The following COL24A1 variants were observed in gnomAD, a reference collection of about 807,000 sequenced individuals.
COL24A1 encodes collagen alpha-1(XXIV) chain.
Under a neutral mutation model 253.9 loss-of-function variants are expected in COL24A1, and 224 were observed. That is an observed-to-expected ratio of 0.88 (90% CI 0.79 to 0.99). The LOEUF is 0.99. Ranked by LOEUF, COL24A1 falls within the 50% of genes least tolerant of loss-of-function variation. COL24A1 has a pLI of 0.00. For synonymous variants in COL24A1, 685 were observed against 673.7 expected, an observed-to-expected ratio of 1.02 and a Z score of -0.26; for missense variants, 2,131 against 2,068.5, an observed-to-expected ratio of 1.03 and a Z score of -0.59.
intron 53 of COL24A1, among the ~76,000 whole-genome samples, chr1:85,770,419 C>T (rs1667826481): frequency 6.6e-6 from 1 of 151,618 alleles, no homozygotes; most frequent in African/African-American, 2.4e-5. Flanking sequence ...TTTCAATCTC[C>T]CTCATTTTAT....
chr1:86,028,709 T>C (rs1698274967), intron 14 of COL24A1, among the ~76,000 whole-genome samples: 1 of 152,236 alleles, frequency 6.6e-6, no homozygotes, highest in South Asian at 2.1e-4. Context: ...TCTCTTCCCA[T>C]GAACTGAAAG....
At chr1:86,104,317 C>T (rs1043354636) in intron 5 of COL24A1, among the ~76,000 whole-genome samples, 4 of 152,044 alleles carry the variant, frequency 2.6e-5, no homozygotes, top group African/African-American at 7.2e-5. Flanking sequence ...ATTGGGTTTG[C>T]GCTTACTGCT....
intron 16 of COL24A1, 26 bp from the exon 17 acceptor site, chr1:86,022,617 A>T: frequency 1.3e-6 from 2 of 1,597,870 alleles, no homozygotes; most frequent in East Asian, 2.2e-5. Context: ...TCATGCAAAG[A>T]TACTTATGTA....
intron 32 of COL24A1, among the ~76,000 whole-genome samples, chr1:85,878,578 A>T (rs1681468345): frequency 6.6e-6 from 1 of 152,218 alleles, no homozygotes; most frequent in South Asian, 2.1e-4. Flanking sequence ...ATAAGTTTTC[A>T]ACTCATTTGG....
At chr1:85,909,314 T>C (rs1685147231) in intron 26 of COL24A1, among the ~76,000 whole-genome samples, 1 of 151,828 alleles carries the variant, frequency 6.6e-6, no homozygotes. Flanking sequence ...GTAGACAGTA[T>C]TATGTGCCAC....
intron 55 of COL24A1, among the ~76,000 whole-genome samples, chr1:85,757,979 A>G (rs1362966913): frequency 6.6e-6 from 1 of 152,148 alleles, no homozygotes. Context: ...GAAAACAGAG[A>G]ATAAAGATTG....
At chr1:86,153,222 C>A (rs1653011305) in intron 1 of COL24A1, among the ~76,000 whole-genome samples, 1 of 150,136 alleles carries the variant, frequency 6.7e-6, no homozygotes, top group African/African-American at 2.5e-5. Context: ...TACCCACCCA[C>A]CCAAGACTGC....
At chr1:86,057,653 A>G (rs1191260832) in intron 10 of COL24A1, among the ~76,000 whole-genome samples, 2 of 152,172 alleles carry the variant, frequency 1.3e-5, no homozygotes, top group Admixed American at 6.6e-5. Context: ...GTATCCATTC[A>G]TATATAAATA....
chr1:86,068,027 C>T (rs1356014365), intron 7 of COL24A1, among the ~76,000 whole-genome samples: 1 of 152,160 alleles, frequency 6.6e-6, no homozygotes, highest in Non-Finnish European at 1.5e-5. Context: ...CAATGAATTA[C>T]AGAATTGTCT....
intron 11 of COL24A1, among the ~76,000 whole-genome samples, chr1:86,049,297 A>C (rs1393115539): frequency 1.3e-5 from 2 of 152,230 alleles, no homozygotes; most frequent in African/African-American, 2.4e-5. Context: ...AAGTAATTAC[A>C]AGAAAATATA....
At chr1:85,935,916 A>C (rs930779078) in intron 24 of COL24A1, among the ~76,000 whole-genome samples, 4 of 147,578 alleles carry the variant, frequency 2.7e-5, no homozygotes, top group African/African-American at 9.9e-5. Flanking sequence ...TTCAAGATTT[A>C]GGCCTTAGCA....
chr1:85,761,529 A>G lies in COL24A1; in HGVS notation c.4410+2T>C, dbSNP rs1484005529. 1 of 1,614,080 alleles carries G rather than the reference A, an allele frequency of 6.2e-7. No individual in the cohort carries two copies. Among genetic ancestry groups the G allele is most frequent in the Non-Finnish European group, 8.5e-7 (1 of 1,179,968 alleles). On this transcript the variant is annotated splice_donor_variant, in intron 54 of 59. Coordinates refer to ENST00000370571, the MANE Select transcript of COL24A1 (RefSeq NM_152890.7). LOFTEE classifies it high-confidence loss of function. ...AACAGATATAAATGAAAACCAACTCACTGGAGGCCCTGGTTGACCTCTTGG... is the reference window on the plus strand; with the variant it reads ...AACAGATATAAATGAAAACCAACTCGCTGGAGGCCCTGGTTGACCTCTTGG...
intron 52 of COL24A1, among the ~76,000 whole-genome samples, chr1:85,780,085 A>G (rs1668995943): frequency 6.6e-6 from 1 of 152,120 alleles, no homozygotes. Context: ...CTGAAGAACC[A>G]CTCACTGAAA....
chr1:85,965,882 G>C (rs990377530), intron 22 of COL24A1, among the ~76,000 whole-genome samples: 11 of 152,158 alleles, frequency 7.2e-5, no homozygotes, highest in African/African-American at 2.7e-4. Flanking sequence ...TGAGGTCAAA[G>C]GAAATGGGGG....
intron 39 of COL24A1, among the ~76,000 whole-genome samples, chr1:85,846,694 TTGA>T (rs897647482): frequency 1.3e-5 from 2 of 151,926 alleles, no homozygotes; most frequent in Non-Finnish European, 2.9e-5. Flanking sequence ...ATATGAAATG[TTGA>T]TGGTGGGAGT....
intron 10 of COL24A1, among the ~76,000 whole-genome samples, chr1:86,057,562 A>G (rs1261239700): frequency 2.6e-5 from 4 of 152,144 alleles, no homozygotes; most frequent in Non-Finnish European, 5.9e-5. Flanking sequence ...CAGTTTTTGT[A>G]TAATAAAATG....
intron 20 of COL24A1, among the ~76,000 whole-genome samples, chr1:85,975,338 A>G (rs1244466238): frequency 6.6e-6 from 1 of 152,224 alleles, no homozygotes; most frequent in Non-Finnish European, 1.5e-5. Context: ...TGTTACTCAC[A>G]ATAGCCAAAA....
At chr1:85,912,275 C>G (rs560174403) in intron 24 of COL24A1, among the ~76,000 whole-genome samples, 1 of 152,118 alleles carries the variant, frequency 6.6e-6, no homozygotes, top group Non-Finnish European at 1.5e-5. Flanking sequence ...AGAGTGAACA[C>G]GTCTCAGGGT....
At chr1:85,960,432 C>T (rs1214115043) in intron 24 of COL24A1, among the ~76,000 whole-genome samples, 1 of 152,084 alleles carries the variant, frequency 6.6e-6, no homozygotes, top group Non-Finnish European at 1.5e-5. Flanking sequence ...GAAGCCTGTT[C>T]TTCCACAATA....
Sources: allele counts gnomAD v4.1 joint callset (sites outside exome capture counted in the v4.1 genomes callset), GRCh38; gene constraint gnomAD v4.1.1; transcripts MANE v1.5; gene names NCBI Gene and HGNC (gene_info 2026-07-23, HGNC 2026-07-21).